FAM168A: variants seen among roughly 807,000 people sequenced by gnomAD.
The protein encoded by FAM168A is protein FAM168A.
In FAM168A, 3 loss-of-function variants were observed where a neutral mutation model predicts 28.5. The ratio of observed to expected loss-of-function variants is 0.11; its 90% CI spans 0.05 to 0.27. The LOEUF (loss-of-function observed/expected upper bound fraction) is 0.27, where lower values mean the gene tolerates loss of function less well. Among genes scored for constraint, FAM168A ranks in the 10% least tolerant of loss-of-function variants. The pLI is 1.00. For missense variants in FAM168A, 222 were observed against 311.5 expected (o/e 0.71, Z 2.16); for synonymous variants, 122 against 124.2 (o/e 0.98, Z 0.12).
At chr11:73,480,907 C>T (rs1037409790) in intron 1 of FAM168A, among the ~76,000 whole-genome samples, 2 of 152,102 alleles carry the variant, frequency 1.3e-5, no homozygotes, top group South Asian at 4.1e-4. Flanking sequence ...ATTTTTCTGC[C>T]TTCACACTCT....
chr11:73,572,488 G>C (rs1474684437), intron 1 of FAM168A, among the ~76,000 whole-genome samples: 3 of 151,812 alleles, frequency 2.0e-5, no homozygotes, highest in Non-Finnish European at 4.4e-5. Flanking sequence ...TGTCTGTGTA[G>C]AAAGAAGTAG....
At chr11:73,475,155 A>G (rs932761687) in intron 1 of FAM168A, among the ~76,000 whole-genome samples, 10 of 152,194 alleles carry the variant, frequency 6.6e-5, no homozygotes, top group African/African-American at 2.2e-4. Context: ...CAAGCAAAAA[A>G]GCCCAGAGAT....
chr11:73,497,000 A>C lies in FAM168A; in HGVS notation c.-18-28508T>G, dbSNP rs145703728. 1.9e-3 allele frequency among the ~76,000 whole-genome samples: 292 copies of C among 152,282 alleles called. 2 individuals carry two copies. The highest frequency in any genetic ancestry group is 2.8e-3 in the Non-Finnish European group (193 of 68,020). On this transcript the variant is annotated intron_variant, in intron 1 of 7. Coordinates refer to ENST00000356467, the MANE Select transcript of FAM168A (RefSeq NM_015159.3). ...AATCAGAATTTTACACAAATTCCCC[A>C]CGTATTTTTGAAAAATGGCCGAATT... is the stretch of plus-strand genomic sequence containing the variant.
In FAM168A at chr11:73,548,703, C is replaced by T. The variant is rs538552563; in HGVS notation, c.-19+49220G>A. Among the ~76,000 whole-genome samples, 21 of 152,236 alleles carry T rather than the reference C, an allele frequency of 1.4e-4. No individual in the cohort carries two copies. The South Asian group carries it at 2.9e-3, about 21-fold the overall frequency. On this transcript the variant is annotated intron_variant, in intron 1 of 7. Transcript: ENST00000356467. ...TCATCCACACTGGAGTGTAGTGGTG[C>T]AATCATGGCCCACTGCAGCCTTGAC...
At chr11:73,544,702 ATTATATAT>A (rs1943703970) in intron 1 of FAM168A, among the ~76,000 whole-genome samples, 1 of 130,376 alleles carries the variant, frequency 7.7e-6, no homozygotes, top group East Asian at 2.0e-4. Context: ...TTTATATGTA[ATTATATAT>A]AATTATATAT....
intron 2 of FAM168A, among the ~76,000 whole-genome samples, chr11:73,444,979 G>T (rs1300269307): frequency 6.6e-6 from 1 of 152,038 alleles, no homozygotes; most frequent in Non-Finnish European, 1.5e-5. Flanking sequence ...GATTATATTG[G>T]CTGGCCGCGG....
chr11:73,561,823 C>T (rs557330792), intron 1 of FAM168A, among the ~76,000 whole-genome samples: 2 of 152,256 alleles, frequency 1.3e-5, no homozygotes, highest in South Asian at 2.1e-4. Flanking sequence ...ACTTTAGTCA[C>T]TTTGGACAAT....
intron 3 of FAM168A, among the ~76,000 whole-genome samples, chr11:73,423,315 C>T (rs1866829950): frequency 6.6e-6 from 1 of 152,182 alleles, no homozygotes; most frequent in Non-Finnish European, 1.5e-5. Flanking sequence ...AAGCTGCACT[C>T]AGAGCGATAT....
At chr11:73,595,718 CTG>C (rs1488245898) in intron 1 of FAM168A, among the ~76,000 whole-genome samples, 1 of 152,174 alleles carries the variant, frequency 6.6e-6, no homozygotes, top group Non-Finnish European at 1.5e-5. Context: ...GATGCTGTTT[CTG>C]TAGTTAATAC....
chr11:73,491,919 A>G (rs556254681), intron 1 of FAM168A, among the ~76,000 whole-genome samples: 1 of 152,256 alleles, frequency 6.6e-6, no homozygotes, highest in African/African-American at 2.4e-5. Flanking sequence ...ACAAAGGCCA[A>G]GTATGATTCT....
chr11:73,410,850 A>C (rs1256118042), intron 5 of FAM168A, among the ~76,000 whole-genome samples: 1 of 152,198 alleles, frequency 6.6e-6, no homozygotes, highest in Non-Finnish European at 1.5e-5. Flanking sequence ...CCTGGAATGC[A>C]TACATCTTCT....
chr11:73,519,222 T>A (rs1317396795), intron 1 of FAM168A, among the ~76,000 whole-genome samples: 1 of 152,204 alleles, frequency 6.6e-6, no homozygotes, highest in Non-Finnish European at 1.5e-5. Context: ...TCTGATCTTA[T>A]GAATACCATT....
chr11:73,411,261 A>G, intron 5 of FAM168A, 133 bp downstream of exon 5: 1 of 996,206 alleles, frequency 1.0e-6, no homozygotes, highest in Non-Finnish European at 1.5e-6. Flanking sequence ...TGCTTCAGTG[A>G]TACAACAAGG....
intron 2 of FAM168A, among the ~76,000 whole-genome samples, chr11:73,444,677 G>C (rs1419266000): frequency 6.6e-6 from 1 of 152,120 alleles, no homozygotes; most frequent in Non-Finnish European, 1.5e-5. Context: ...AGCTAATAGT[G>C]AAAGTTCAAA....
chr11:73,513,952 G>A (rs940873913), intron 1 of FAM168A, among the ~76,000 whole-genome samples: 1 of 152,134 alleles, frequency 6.6e-6, no homozygotes, highest in African/African-American at 2.4e-5. Flanking sequence ...GGGAGGCCGA[G>A]GTGGGCAGAT....
intron 2 of FAM168A, among the ~76,000 whole-genome samples, chr11:73,458,673 C>T (rs185327758): frequency 3.3e-5 from 5 of 150,922 alleles, no homozygotes; most frequent in Admixed American, 2.6e-4. Context: ...TGCAATGGTG[C>T]GATCTCGGCT....
chr11:73,526,125 A>C (rs1451352776), intron 1 of FAM168A, among the ~76,000 whole-genome samples: 1 of 152,232 alleles, frequency 6.6e-6, no homozygotes. Flanking sequence ...ATATCAAAAG[A>C]ATTAATACTC....
intron 4 of FAM168A, among the ~76,000 whole-genome samples, chr11:73,419,138 C>T (rs576622386): frequency 6.6e-6 from 1 of 152,170 alleles, no homozygotes; most frequent in African/African-American, 2.4e-5. Context: ...AACATTGGTC[C>T]TCATTTCCCC....
chr11:73,461,795 T>G (rs1867651184), intron 2 of FAM168A, among the ~76,000 whole-genome samples: 1 of 152,164 alleles, frequency 6.6e-6, no homozygotes, highest in African/African-American at 2.4e-5. Flanking sequence ...GGAAGTCCAG[T>G]TAAGAGGCAA....
Sources: gnomAD v4.1 joint callset for allele counts (sites outside exome capture counted in the v4.1 genomes callset) on GRCh38, gnomAD v4.1.1 for gene constraint, MANE v1.5 for transcripts, NCBI Gene and HGNC (gene_info 2026-07-23, HGNC 2026-07-21) for gene names.